Variants in IGSF9B observed in about 807,000 individuals in gnomAD.
The protein encoded by IGSF9B is immunoglobulin superfamily member 9B, also known as protein turtle homolog B.
Under a neutral mutation model 143.7 loss-of-function variants are expected in IGSF9B, and 48 were observed. The observed-to-expected ratio is 0.33, with a 90% CI of 0.26 to 0.42. The LOEUF is 0.42. Ranked by LOEUF, IGSF9B falls within the 20% of genes least tolerant of loss-of-function variation. The pLI is 1.00. For missense variants in IGSF9B, 1,706 were observed against 1,980.0 expected (o/e 0.86, Z 2.63); for synonymous variants, 903 against 833.1 (o/e 1.08, Z -1.44).
At position 133,908,325 on chromosome 11, in the gene IGSF9B, C is replaced by T. The variant is rs1254105235; in HGVS notation, c.*744G>A. The stretch of plus-strand genomic sequence containing the variant: ...AATTTAGTTCTGCAGTAACTCATTA[C>T]TGAACCCCCATAGAAGGCAGCCGGT... On this transcript the variant is annotated 3_prime_UTR_variant, in exon 20 of 20. Transcript: ENST00000533871. 6.6e-6 allele frequency among the ~76,000 whole-genome samples: 1 copy of T among 152,160 alleles called. No individual in the cohort carries two copies. The highest frequency in any genetic ancestry group is 1.5e-5 in the Non-Finnish European group (1 of 68,024).
At position 133,906,876 on chromosome 11, in the gene IGSF9B, C is replaced by T. The variant is rs917108743; in HGVS notation, c.*2193G>A. Among the ~76,000 whole-genome samples the T allele has an allele frequency of 1.3e-5, 2 of 152,162 alleles. No individual in the cohort carries two copies. The highest frequency in any genetic ancestry group is 4.8e-5 in the African/African-American group (2 of 41,428). ...TGCACGTCAGCTTGCGGTAAGCCCC[C>T]ACCTCCCACCCCAACACCTCAGGTA... On this transcript the variant is annotated 3_prime_UTR_variant, in exon 20 of 20. Coordinates refer to ENST00000533871, the MANE Select transcript of IGSF9B (RefSeq NM_001277285.4).
Position 133,909,636 on chromosome 11 carries a change from T to A in IGSF9B, c.4106-359A>T, listed in dbSNP as rs1042292006. Among the ~76,000 whole-genome samples the A allele has an allele frequency of 6.6e-6, 1 of 152,222 alleles. No individual in the cohort carries two copies. On this transcript the variant is annotated intron_variant, in intron 19 of 19. Transcript: ENST00000533871. This position sits in a 1 kb window ranked among gnomAD's most constrained non-coding sequence, Gnocchi z 4.2. The stretch of plus-strand genomic sequence containing the variant: ...GGATCAGGAAGGAACAGGCTGGGAC[T>A]CAGGACATCTTTCTCATCTGCCCCA...
In IGSF9B at chr11:133,920,649, G is replaced by A. The variant is rs772880801; in HGVS notation, c.3076C>T (p.Pro1026Ser). The A allele has an allele frequency of 7.4e-6, 12 of 1,613,424 alleles. No individual in the cohort carries two copies. The South Asian group carries it at 7.7e-5, about 10-fold the overall frequency. The change falls in exon 18 of 20, where the codon CCC becomes TCC. Residue 1026 changes from proline (P) to serine (S), a missense_variant. This residue lies in a region of IGSF9B where 880 missense variants were observed against 762.9 expected (regional missense o/e 1.15). Coordinates refer to ENST00000533871, the MANE Select transcript of IGSF9B (RefSeq NM_001277285.4). ...CCTCCTGTAGGTGTCTGAGTCAAGG[G>A]CAGCGTGCTGTTGGATGCATTCTCT... The part of the protein sequence containing the change: ...NGENASNSTL[P>S]LTQTPTGGRS...
chr11:133,956,961 C>T lies in IGSF9B; in HGVS notation c.-207G>A, dbSNP rs1236273437. ...CCTCCCCGGCCCCGGCGCAGCGGCA[C>T]CTGCACTACTCGCCCGGGCGGAGCG... On this transcript the variant is annotated 5_prime_UTR_variant, in exon 1 of 20. The change creates a new upstream start codon in the 5' untranslated region. Transcript: ENST00000533871. The T allele has an allele frequency of 5.3e-6, 2 of 376,306 alleles. No individual in the cohort carries two copies. Among genetic ancestry groups the T allele is most frequent in the South Asian group, 1.3e-4 (1 of 7,730 alleles). 23.3% of individuals were successfully genotyped at this position (376,306 alleles called of 1,614,324 possible). A position where few individuals can be genotyped will look rare whatever the true frequency, so the allele number is the denominator to read the frequency against.
In IGSF9B at chr11:133,945,954, G is replaced by A; in HGVS notation, c.262+107C>T. On this transcript the variant is annotated intron_variant, in intron 2 of 19. Transcript: ENST00000533871. The surrounding 1 kb of genome is among the most constrained non-coding windows in gnomAD (Gnocchi z 4.6). ...ATGGGAGGAACCAGGCAGAGACTGG[G>A]AAACAGAGATAAAGAGTGGTCAGGA... The A allele has an allele frequency of 2.7e-6, 2 of 750,196 alleles. No homozygotes were observed. The highest frequency in any genetic ancestry group is 4.3e-6 in the Non-Finnish European group (2 of 461,358). 46.5% of individuals were successfully genotyped at this position (750,196 alleles called of 1,614,324 possible). A position where few individuals can be genotyped will look rare whatever the true frequency, so the allele number is the denominator to read the frequency against.
chr11:133,901,626 TA>T lies in IGSF9B; in HGVS notation c.*7442del, dbSNP rs1456021773. 1 of 152,146 alleles carries T rather than the reference TA, an allele frequency of 6.6e-6. No individual in the cohort carries two copies. The highest frequency in any genetic ancestry group is 2.4e-5 in the African/African-American group (1 of 41,396). The allele number at this position is 152,146 out of a possible 1,614,324, so 9.4% of individuals were successfully genotyped here. ...ATAGAACCAATTCTGTAGATTTATA[TA>T]ATTTTATGTACAGTCTCCATAAAAA... On this transcript the variant is annotated 3_prime_UTR_variant, in exon 20 of 20. Coordinates refer to ENST00000533871, the MANE Select transcript of IGSF9B (RefSeq NM_001277285.4).
Position 133,929,730 on chromosome 11 carries a change from A to G in IGSF9B, c.1572T>C (p.Thr524=), listed in dbSNP as rs1320398959. ...AGCCTGGTTCCCAGGACACGTTGGC[A>G]GTTGTCATGGAGACCTGGACCCGGA... ...GSVRVQVSMT[T]ANVSWEPGYD... is the part of the protein sequence containing the mutation. The change falls in exon 12 of 20, where the codon ACT becomes ACC. Residue 524 remains threonine, a synonymous_variant. Transcript: ENST00000533871. The G allele has an allele frequency of 1.9e-6, 3 of 1,613,970 alleles. No homozygotes were observed. Among genetic ancestry groups the G allele is most frequent in the Non-Finnish European group, 2.5e-6 (3 of 1,179,866 alleles).
In IGSF9B at chr11:133,937,471, A is replaced by G; in HGVS notation, c.584T>C (p.Val195Ala). 1 of 1,613,726 alleles carries G rather than the reference A, an allele frequency of 6.2e-7. No individual in the cohort carries two copies. The highest frequency in any genetic ancestry group is 8.5e-7 in the Non-Finnish European group (1 of 1,179,730). Residue 195 changes from valine (V) to alanine (A), a missense_variant, in exon 5 of 20, where the codon GTG (valine) becomes GCG (alanine). By Grantham distance (64) the Val-to-Ala change is moderately conservative (BLOSUM62 0). This residue lies in a region of IGSF9B where 238 missense variants were observed against 452.6 expected (regional missense o/e 0.53). Transcript: ENST00000533871. ...KYQVSDGSLT[V>A]TSVSREDRGA... ...TCTGTCCTCCCGACTGACCGATGTC[A>G]CTGTCAGGCTGCCGTCACTCACCTG... is the stretch of plus-strand genomic sequence containing the variant.
Position 133,928,233 on chromosome 11 carries a change from C to T in IGSF9B, c.1632-1142G>A, listed in dbSNP as rs1221854880. On this transcript the variant is annotated intron_variant, in intron 12 of 19. Transcript: ENST00000533871. This position sits in a 1 kb window ranked among gnomAD's most constrained non-coding sequence, Gnocchi z 4.7. ...AAATGTCCCACCCTGGACACCTAGG[C>T]GCTGAGCAGCACCGGTCTCCCAGCA... Among the ~76,000 whole-genome samples the T allele has an allele frequency of 6.6e-6, 1 of 152,148 alleles. No individual in the cohort carries two copies. The highest frequency in any genetic ancestry group is 1.5e-5 in the Non-Finnish European group (1 of 68,022).
rs776739531 is a variant in IGSF9B at position 133,920,860 on chromosome 11, G to A, written c.2865C>T (p.Pro955=). The stretch of plus-strand genomic sequence containing the variant: ...CATGGTGGAAGGGCCGGGGGGCAGG[G>A]GGCCGGGCCTGGCCTGTGGCCTGAA... The part of the protein sequence containing the change: ...GRLQATGQAR[P]PAPRPFHHGQ... The change falls in exon 18 of 20, where the codon CCC becomes CCT. Residue 955 remains proline, a synonymous_variant. Transcript: ENST00000533871. 3.1e-6 allele frequency: 5 copies of A among 1,602,364 alleles called. No individual in the cohort carries two copies. The highest frequency in any genetic ancestry group is 3.4e-6 in the Non-Finnish European group (4 of 1,173,898).
rs909454895 is a variant in IGSF9B, at chr11:133,900,316, T to C, written c.*8753A>G. 6.5e-6 allele frequency: 1 copy of C among 152,694 alleles called. No individual in the cohort carries two copies. The highest frequency in any genetic ancestry group is 1.5e-5 in the Non-Finnish European group (1 of 68,102). The allele number at this position is 152,694 out of a possible 1,614,324, so 9.5% of individuals were successfully genotyped here. ...CAGTCCTGAGTCTCTCCTCACTGCC[T>C]GCACCATCTGGCCCAGCACCAGCTT... is the stretch of plus-strand genomic sequence containing the variant. On this transcript the variant is annotated 3_prime_UTR_variant, in exon 20 of 20. Coordinates refer to ENST00000533871, the MANE Select transcript of IGSF9B (RefSeq NM_001277285.4).
intron 18 of IGSF9B, among the ~76,000 whole-genome samples, chr11:133,919,519 C>T (rs1939466642): frequency 6.6e-6 from 1 of 152,202 alleles, no homozygotes; most frequent in African/African-American, 2.4e-5. Context: ...GGAGAAGACG[C>T]CTCATGCTCC....
chr11:133,908,833 CCA>C lies in IGSF9B; in HGVS notation c.*234_*235del. On this transcript the variant is annotated 3_prime_UTR_variant, in exon 20 of 20. Coordinates refer to ENST00000533871, the MANE Select transcript of IGSF9B (RefSeq NM_001277285.4). Reference sequence around the variant, plus strand: ...GCGGAGGGGAGGAGACAGGTGTTGCCCAGTCTCCAATCCACTTCCTGACCTCG... The same window carrying C: ...GCGGAGGGGAGGAGACAGGTGTTGCCGTCTCCAATCCACTTCCTGACCTCG... 5 of 507,338 alleles carry C rather than the reference CCA, an allele frequency of 9.9e-6. No homozygotes were observed. Among genetic ancestry groups the C allele is most frequent in the South Asian group, 6.2e-5 (2 of 32,192 alleles). 31.4% of individuals were successfully genotyped at this position (507,338 alleles called of 1,614,324 possible).
Position 133,899,056 on chromosome 11 carries a change from G to C in IGSF9B, c.*10013C>G, listed in dbSNP as rs1480386980. On this transcript the variant is annotated 3_prime_UTR_variant, in exon 20 of 20. Transcript: ENST00000533871. ...GATTCTCACACATCTCCCTATTCCCGACTCTTGCTCTATATAGTAGACAGA... is the reference window on the plus strand; with the variant it reads ...GATTCTCACACATCTCCCTATTCCCCACTCTTGCTCTATATAGTAGACAGA... 1 of 152,234 alleles carries C rather than the reference G, an allele frequency of 6.6e-6. No homozygotes were observed. The highest frequency in any genetic ancestry group is 2.1e-4 in the South Asian group (1 of 4,826). The allele number at this position is 152,234 out of a possible 1,614,324, so 9.4% of individuals were successfully genotyped here.
At chr11:133,952,498 C>G (rs889212392) in intron 1 of IGSF9B, among the ~76,000 whole-genome samples, 1 of 152,224 alleles carries the variant, frequency 6.6e-6, no homozygotes, top group Admixed American at 6.5e-5. Context: ...CACCTCGTGT[C>G]TGCACACTAA....
chr11:133,921,282 T>C lies in IGSF9B; in HGVS notation c.2443A>G (p.Lys815Glu). 6.2e-7 allele frequency: 1 copy of C among 1,611,118 alleles called. No individual in the cohort carries two copies. Among genetic ancestry groups the C allele is most frequent in the Non-Finnish European group, 8.5e-7 (1 of 1,178,844 alleles). Residue 815 changes from lysine to glutamate, a missense_variant, in exon 18 of 20, where the codon AAG (lysine) becomes GAG (glutamate). Transcript: ENST00000533871. Reference sequence around the variant, plus strand: ...GTCTTCTTGTACAGCGACAGCTCCTTCTCACGGGTGGGGCTCAGCATCCTC... The same window carrying C: ...GTCTTCTTGTACAGCGACAGCTCCTCCTCACGGGTGGGGCTCAGCATCCTC... ...AKRMLSPTRE[K>E]ELSLYKKTKR...
rs370569003 is a variant in IGSF9B, at chr11:133,930,991, G to A, written c.1512C>T (p.Thr504=). 20 of 1,611,100 alleles carry A rather than the reference G, an allele frequency of 1.2e-5. No individual in the cohort carries two copies. The highest frequency in any genetic ancestry group is 8.0e-5 in the African/African-American group (6 of 75,012). ...GCCTTGCCGGCCACGTACCGATGACGGTGAGGTGGGTGCTGGCAGTGATGC... is the reference window on the plus strand; with the variant it reads ...GCCTTGCCGGCCACGTACCGATGACAGTGAGGTGGGTGCTGGCAGTGATGC... ...VTSITASTHL[T]VIGTSPHAPG... Residue 504 remains threonine (T), a synonymous_variant, in exon 11 of 20, where the codon ACC becomes ACT. Transcript: ENST00000533871.
At chr11:133,950,395 A>T (rs1485634443) in intron 1 of IGSF9B, among the ~76,000 whole-genome samples, 2 of 152,224 alleles carry the variant, frequency 1.3e-5, no homozygotes, top group African/African-American at 4.8e-5. Context: ...GTCCCTGCCC[A>T]CAATGGCCTC....
At position 133,924,887 on chromosome 11, in the gene IGSF9B, G is replaced by C. The variant is rs1343126073; in HGVS notation, c.2052C>G (p.Phe684Leu). 1 of 1,613,676 alleles carries C rather than the reference G, an allele frequency of 6.2e-7. No individual in the cohort carries two copies. Among genetic ancestry groups the C allele is most frequent in the Admixed American group, 1.7e-5 (1 of 60,014 alleles). The change falls in exon 15 of 20, where the codon TTC becomes TTG. Residue 684 changes from phenylalanine to leucine, a missense_variant. Physicochemically the swap from Phe to Leu is conservative, Grantham distance 22. Around this residue, in one of 7 missense-constraint regions of IGSF9B, gnomAD observed 267 missense variants for 321.1 expected, o/e 0.83. Coordinates refer to ENST00000533871, the MANE Select transcript of IGSF9B (RefSeq NM_001277285.4). ...GATCCTGCATGACGGCCAGAACCCG[G>C]AACTCATACCACGTGTCCTGCAGCC... ...KDLSQDTWYE[F>L]RVLAVMQDLI... is the part of the protein sequence containing the mutation.
Sources: gnomAD v4.1 joint callset for allele counts (sites outside exome capture counted in the v4.1 genomes callset) on GRCh38, gnomAD v4.1.1 for gene constraint, gnomAD v4.1.1 regional missense constraint, Gnocchi (gnomAD v3.1) non-coding constraint, MANE v1.5 for transcripts, NCBI Gene and HGNC (gene_info 2026-07-23, HGNC 2026-07-21) for gene names.